ARMH3: variants seen among roughly 807,000 people sequenced by gnomAD.
The protein encoded by ARMH3 is armadillo-like helical domain-containing protein 3.
In ARMH3, 60 loss-of-function variants were observed where a neutral mutation model predicts 99.1. The ratio of observed to expected loss-of-function variants is 0.61; its 90% CI spans 0.49 to 0.75. ARMH3 has a LOEUF of 0.75. ARMH3 is among the 30% of genes least tolerant of loss of function. The pLI is 0.00. For synonymous variants in ARMH3, 285 were observed against 292.8 expected (o/e 0.97, Z 0.27); for missense variants, 679 against 843.1 (o/e 0.81, Z 2.41).
chr10:101,976,230 C>T (rs943506912), intron 19 of ARMH3, among the ~76,000 whole-genome samples: 3 of 144,066 alleles, frequency 2.1e-5, no homozygotes, highest in East Asian at 4.4e-4. Flanking sequence ...GACCCAGCTA[C>T]TCAGGAGGCT....
chr10:101,918,156 C>A (rs925455245), intron 23 of ARMH3, among the ~76,000 whole-genome samples: 1 of 152,082 alleles, frequency 6.6e-6, no homozygotes, highest in African/African-American at 2.4e-5. Context: ...CGGCTTCAGG[C>A]GATTCTCCTG....
chr10:102,022,917 G>T (rs1179517127), intron 8 of ARMH3, among the ~76,000 whole-genome samples: 1 of 151,424 alleles, frequency 6.6e-6, no homozygotes, highest in Non-Finnish European at 1.5e-5. Context: ...GGCCAGGTGC[G>T]GTGGCTCATG....
At chr10:101,884,065 A>G (rs2067483604) in intron 24 of ARMH3, among the ~76,000 whole-genome samples, 1 of 151,970 alleles carries the variant, frequency 6.6e-6, no homozygotes. Flanking sequence ...GCGAGGGACA[A>G]GCTGAAGACC....
At chr10:101,950,857 G>C (rs1844751649) in intron 22 of ARMH3, among the ~76,000 whole-genome samples, 1 of 152,174 alleles carries the variant, frequency 6.6e-6, no homozygotes, top group African/African-American at 2.4e-5. Context: ...TGATGAAAAT[G>C]CTCCAAAGTT....
intron 1 of ARMH3, among the ~76,000 whole-genome samples, chr10:102,050,320 G>C (rs887671932): frequency 1.1e-4 from 16 of 149,440 alleles, no homozygotes; most frequent in African/African-American, 3.7e-4. Context: ...GTGGTGGTGG[G>C]CACCTGTAGT....
chr10:101,878,592 T>G (rs2067327826), intron 24 of ARMH3, among the ~76,000 whole-genome samples: 1 of 151,050 alleles, frequency 6.6e-6, no homozygotes, highest in African/African-American at 2.4e-5. Context: ...TCAGCTAGAA[T>G]CGTGTCACTG....
chr10:101,985,934 T>C (rs1212452350), intron 19 of ARMH3, among the ~76,000 whole-genome samples: 1 of 151,676 alleles, frequency 6.6e-6, no homozygotes, highest in Non-Finnish European at 1.5e-5. Context: ...ATGAGAATCA[T>C]TTGAACCTGG....
chr10:101,874,098 T>C (rs144065212), intron 24 of ARMH3, among the ~76,000 whole-genome samples: 3 of 152,312 alleles, frequency 2.0e-5, no homozygotes, highest in Admixed American at 2.0e-4. Flanking sequence ...AAGACAGATC[T>C]ACTCTACAGT....
intron 20 of ARMH3, among the ~76,000 whole-genome samples, chr10:101,970,706 T>A (rs934388025): frequency 6.6e-6 from 1 of 151,254 alleles, no homozygotes; most frequent in African/African-American, 2.4e-5. Context: ...GCATCTGTAG[T>A]CCCAGCTACT....
chr10:101,950,208 T>A (rs1467693376), intron 22 of ARMH3, among the ~76,000 whole-genome samples: 1 of 152,162 alleles, frequency 6.6e-6, no homozygotes, highest in Non-Finnish European at 1.5e-5. Context: ...ACAACATGAA[T>A]GTCTATGTAG....
chr10:102,042,680 C>G (rs2067450953), intron 1 of ARMH3, among the ~76,000 whole-genome samples: 1 of 152,184 alleles, frequency 6.6e-6, no homozygotes, highest in Non-Finnish European at 1.5e-5. Context: ...AGCACTCCTA[C>G]CCAGGGAGTT....
chr10:101,929,894 A>T (rs1036807886), intron 23 of ARMH3, among the ~76,000 whole-genome samples: 1 of 152,136 alleles, frequency 6.6e-6, no homozygotes, highest in African/African-American at 2.4e-5. Context: ...TTTAGGTTTC[A>T]GATTTTTTTT....
At chr10:101,866,241 G>A (rs1184869225) in intron 24 of ARMH3, among the ~76,000 whole-genome samples, 3 of 150,758 alleles carry the variant, frequency 2.0e-5, no homozygotes, top group African/African-American at 7.3e-5. Context: ...AAAAAAAAAA[G>A]CTATCTTTCG....
At chr10:101,973,747 C>A (rs1377119985) in intron 20 of ARMH3, among the ~76,000 whole-genome samples, 1 of 152,070 alleles carries the variant, frequency 6.6e-6, no homozygotes, top group Non-Finnish European at 1.5e-5. Context: ...GAAAGTAAAA[C>A]CAGAAGGGAA....
chr10:101,921,927 AG>A (rs1456242724), intron 23 of ARMH3, among the ~76,000 whole-genome samples: 1 of 152,210 alleles, frequency 6.6e-6, no homozygotes, highest in Non-Finnish European at 1.5e-5. Context: ...ATAGCAGAGT[AG>A]GGTGACTACA....
At chr10:101,946,194 A>C (rs954890946) in intron 22 of ARMH3, among the ~76,000 whole-genome samples, 1 of 151,952 alleles carries the variant, frequency 6.6e-6, no homozygotes, top group African/African-American at 2.4e-5. Flanking sequence ...AAGACAAAAA[A>C]CAGATATCTG....
intron 14 of ARMH3, among the ~76,000 whole-genome samples, chr10:102,003,745 A>G (rs2066420935): frequency 6.6e-6 from 1 of 152,268 alleles, no homozygotes. Context: ...AGTGAGAAAC[A>G]TTTGCATTTT....
At chr10:101,996,784 A>G (rs182178121) in intron 15 of ARMH3, among the ~76,000 whole-genome samples, 1 of 152,336 alleles carries the variant, frequency 6.6e-6, no homozygotes, top group African/African-American at 2.4e-5. Context: ...ATTTAATCAT[A>G]CCACCCAAAT....
chr10:101,973,359 CAAAA>C (rs56712768), intron 20 of ARMH3, among the ~76,000 whole-genome samples: 1 of 80,154 alleles, frequency 1.2e-5, no homozygotes. Context: ...GACTCCGTCT[CAAAA>C]AAAAAAAAAA....
Sources: gnomAD v4.1 joint callset for allele counts (sites outside exome capture counted in the v4.1 genomes callset) on GRCh38, gnomAD v4.1.1 for gene constraint, MANE v1.5 for transcripts, NCBI Gene and HGNC (gene_info 2026-07-23, HGNC 2026-07-21) for gene names.